Variants in FAAH2 observed in about 807,000 individuals in gnomAD.
FAAH2 encodes fatty acid amide hydrolase 2, also known as fatty-acid amide hydrolase 2.
A neutral mutation model predicts 36.9 loss-of-function variants in FAAH2; 60 were observed. The ratio of observed to expected loss-of-function variants is 1.63; its 90% CI spans 1.32 to 2.02. The LOEUF (loss-of-function observed/expected upper bound fraction) is 2.02. FAAH2 is among the 30% of genes most tolerant of loss of function. FAAH2 has a pLI of 0.00. For missense variants in FAAH2, 689 were observed against 397.5 expected (o/e 1.73, Z -6.23); for synonymous variants, 214 against 143.8 (o/e 1.49, Z -3.49).
chrX:57,217,247 G>GTT, the FAAH2 span, among the ~76,000 whole-genome samples: 36,250 of 96,454 alleles, frequency 0.38, 6,713 homozygotes, highest in African/African-American at 0.65. Flanking sequence ...TTTGACGACT[G>GTT]TTTTTTTTTT....
chrX:57,288,260 T>C (rs910114746), intron 1 of FAAH2, among the ~76,000 whole-genome samples: 2 of 108,749 alleles, frequency 1.8e-5, no homozygotes, highest in Admixed American at 2.0e-4. Context: ...ATTAGAAGGA[T>C]GGACTCTAGA....
At chrX:57,302,088 G>A (rs2052388974) in intron 2 of FAAH2, among the ~76,000 whole-genome samples, 1 of 111,602 alleles carries the variant, frequency 9.0e-6, no homozygotes, top group South Asian at 3.8e-4. Context: ...TCATCCAATA[G>A]GTATATTCTT....
chrX:57,136,898 C>T, the FAAH2 span: 3 of 670,380 alleles, frequency 4.5e-6, no homozygotes, highest in African/African-American at 6.7e-5. Flanking sequence ...CCTTTACTGC[C>T]ACTAGCATCC....
intron 5 of FAAH2, among the ~76,000 whole-genome samples, chrX:57,355,288 A>G (rs377466667): frequency 2.8e-3 from 311 of 111,146 alleles, no homozygotes; most frequent in African/African-American, 9.5e-3. Flanking sequence ...ATAACAGATA[A>G]AAATGAAATT....
the FAAH2 span, among the ~76,000 whole-genome samples, chrX:57,266,443 C>T: frequency 2.8e-3 from 313 of 112,522 alleles, no homozygotes; most frequent in African/African-American, 9.5e-3. Context: ...CATGCCTGGG[C>T]CTACAGCCAC....
the FAAH2 span, among the ~76,000 whole-genome samples, chrX:57,205,833 G>A: frequency 1.8e-5 from 2 of 112,103 alleles, no homozygotes; most frequent in Non-Finnish European, 3.8e-5. Context: ...CCAAATAAGA[G>A]TATTTATAAA....
At chrX:57,240,113 A>G in the FAAH2 span, among the ~76,000 whole-genome samples, 5 of 111,908 alleles carry the variant, frequency 4.5e-5, no homozygotes, top group Non-Finnish European at 7.5e-5. Context: ...TGGCTTTTAG[A>G]GTTTCAGAGT....
At chrX:57,314,993 A>G (rs924579057) in intron 3 of FAAH2, among the ~76,000 whole-genome samples, 4 of 111,289 alleles carry the variant, frequency 3.6e-5, no homozygotes, top group Non-Finnish European at 7.6e-5. Context: ...TGAAATTAAG[A>G]GTTTGTTTTT....
At chrX:57,183,334 A>T in the FAAH2 span, among the ~76,000 whole-genome samples, 1 of 109,587 alleles carries the variant, frequency 9.1e-6, no homozygotes, top group Admixed American at 1.0e-4. Context: ...TAATGTGCAG[A>T]TTAGTAATTA....
the FAAH2 span, among the ~76,000 whole-genome samples, chrX:57,260,502 A>G: frequency 3.6e-5 from 4 of 112,166 alleles, no homozygotes; most frequent in Non-Finnish European, 5.6e-5. Flanking sequence ...TTTGGCAAAG[A>G]TTTCTTAAAC....
chrX:57,138,547 T>C, the FAAH2 span, among the ~76,000 whole-genome samples: 1 of 111,370 alleles, frequency 9.0e-6, no homozygotes, highest in East Asian at 2.8e-4. Flanking sequence ...CTCGTTGATA[T>C]GCTGATTTCC....
chrX:57,433,446 A>G (rs759129435), intron 8 of FAAH2, among the ~76,000 whole-genome samples: 76 of 111,893 alleles, frequency 6.8e-4, no homozygotes, highest in Non-Finnish European at 7.7e-4. Flanking sequence ...ATGTTAATGT[A>G]GCTCTTTTTT....
rs1316635560 is a variant in FAAH2, at chrX:57,434,281, T to C, written c.1116+2244T>C. Among the ~76,000 whole-genome samples the C allele has an allele frequency of 2.8e-5, 3 of 108,798 alleles. No individual in the cohort carries two copies. In the Admixed American group the frequency reaches 3.0e-4, roughly 11 times the overall value. The allele number at this position is 108,798 out of a possible 115,157, so 94.5% of individuals were successfully genotyped here. ...AGTAGAGATGGGGTTTCACCATTTT[T>C]GGCCAGGCTAGTCTCAAACTCCTGA... is the stretch of plus-strand genomic sequence containing the variant. On this transcript the variant is annotated intron_variant, in intron 8 of 10. Transcript: ENST00000374900.
the FAAH2 span, among the ~76,000 whole-genome samples, chrX:57,185,926 A>T: frequency 3.6e-5 from 4 of 111,668 alleles, no homozygotes; most frequent in African/African-American, 1.3e-4. Flanking sequence ...GTAGTATTCC[A>T]TGGTGAATAT....
At chrX:57,341,185 G>A (rs1462430319) in intron 4 of FAAH2, 86 bp from the exon 5 acceptor site, 4 of 1,000,430 alleles carry the variant, frequency 4.0e-6, no homozygotes, top group Middle Eastern at 2.9e-4. Context: ...GACACAAAAA[G>A]GTTGAAAGTG....
chrX:57,309,276 A>T (rs1341938678), intron 2 of FAAH2, among the ~76,000 whole-genome samples: 1 of 111,574 alleles, frequency 9.0e-6, no homozygotes, highest in Middle Eastern at 4.3e-3. Context: ...ACAACAAAAA[A>T]TTACCTATAA....
chrX:57,146,428 C>T, the FAAH2 span, among the ~76,000 whole-genome samples: 1 of 111,963 alleles, frequency 8.9e-6, no homozygotes, highest in Non-Finnish European at 1.9e-5. Context: ...TATCCTGAAA[C>T]TTTGCTGAAT....
chrX:57,329,071 G>A (rs1030419484), intron 3 of FAAH2, among the ~76,000 whole-genome samples: 11 of 111,957 alleles, frequency 9.8e-5, no homozygotes, highest in African/African-American at 3.6e-4. Context: ...TGTGCCAGTT[G>A]CAACTCCCAC....
Position 57,363,749 on chromosome X carries a change from A to G in FAAH2, c.743-14902A>G, listed in dbSNP as rs763541643. On this transcript the variant is annotated intron_variant, in intron 5 of 10. Transcript: ENST00000374900. The stretch of plus-strand genomic sequence containing the variant: ...TTTGAGGTATGTTCTATGGTGCCTA[A>G]TTTTTAGAGGATTTTTAACATTGGA... 5.4e-5 allele frequency among the ~76,000 whole-genome samples: 6 copies of G among 110,854 alleles called. No homozygotes were observed. The South Asian group carries it at 2.3e-3, about 42-fold the overall frequency.
Sources: allele counts gnomAD v4.1 joint callset (sites outside exome capture counted in the v4.1 genomes callset), GRCh38; gene constraint gnomAD v4.1.1; transcripts MANE v1.5; gene names NCBI Gene and HGNC (gene_info 2026-07-23, HGNC 2026-07-21).